The following LDHAL6A variants were observed in gnomAD, a reference collection of about 807,000 sequenced individuals.
The protein encoded by LDHAL6A is L-lactate dehydrogenase A-like 6A.
In LDHAL6A, 19 loss-of-function variants were observed where a neutral mutation model predicts 28.2. The ratio of observed to expected loss-of-function variants is 0.67; its 90% CI spans 0.47 to 0.99. The LOEUF (loss-of-function observed/expected upper bound fraction) is 0.99, where lower values mean the gene tolerates loss of function less well. Among genes scored for constraint, LDHAL6A ranks in the 50% least tolerant of loss-of-function variants. The probability of loss-of-function intolerance (pLI) is 0.00; values close to 1 mark genes in which losing one functional copy is unlikely to be tolerated. For synonymous variants in LDHAL6A, 144 were observed against 134.4 expected (o/e 1.07, Z -0.49); for missense variants, 372 against 398.6 (o/e 0.93, Z 0.57).
At position 18,476,371 on chromosome 11, in the gene LDHAL6A, GTCTCTT is replaced by G. The variant is rs1165098231; in HGVS notation, c.593-9_593-4del. On this transcript the variant is annotated splice_polypyrimidine_tract_variant and splice_region_variant and intron_variant, in intron 4 of 6. Transcript: ENST00000280706. Reference sequence around the variant, plus strand: ...CCATGTAAGAAGTGGGATTTTGGGTGTCTCTTTCTTAGTTCCTGTGTGGAGTGGTGT... The same window carrying G: ...CCATGTAAGAAGTGGGATTTTGGGTGTCTTAGTTCCTGTGTGGAGTGGTGT... The G allele has an allele frequency of 1.2e-6, 2 of 1,607,874 alleles. No homozygotes were observed. The highest frequency in any genetic ancestry group is 1.7e-5 in the Admixed American group (1 of 58,456).
chr11:18,471,906 T>TAG (rs1404660159), intron 3 of LDHAL6A, among the ~76,000 whole-genome samples: 2 of 150,964 alleles, frequency 1.3e-5, no homozygotes, highest in Non-Finnish European at 1.5e-5. Context: ...ACTATTTACA[T>TAG]GAACTAAATG....
intron 1 of LDHAL6A, among the ~76,000 whole-genome samples, chr11:18,462,693 C>T (rs1383629959): frequency 2.0e-5 from 3 of 147,692 alleles, no homozygotes; most frequent in Admixed American, 6.7e-5. Context: ...ATTAGCTGGG[C>T]ATGGTGGTGC....
chr11:18,463,938 A>G, intron 1 of LDHAL6A, 23 bp from the exon 2 acceptor site: 3 of 1,479,418 alleles, frequency 2.0e-6, no homozygotes, highest in Non-Finnish European at 2.8e-6. Flanking sequence ...ACTCACACCC[A>G]TTGGACTAAC....
Position 18,475,534 on chromosome 11 carries a change from T to C in LDHAL6A, c.487T>C (p.Cys163Arg), listed in dbSNP as rs1434677918. The C allele has an allele frequency of 8.7e-6, 14 of 1,614,018 alleles. No homozygotes were observed. Among genetic ancestry groups the C allele is most frequent in the African/African-American group, 4.0e-5 (3 of 74,940 alleles). Residue 163 changes from cysteine (C) to arginine (R), a missense_variant, in exon 4 of 7, where the codon TGT (cysteine) becomes CGT (arginine). By Grantham distance (180) the Cys-to-Arg change is radical. Around this residue, in one of 3 missense-constraint regions of LDHAL6A, gnomAD observed 291 missense variants for 302.9 expected, o/e 0.96. Transcript: ENST00000280706. ...CAAAAACCGTGTTATTGGAAGTGGT[T>C]GTAATCTGGACTCTGCTCGTTTTCG... The part of the protein sequence containing the change: ...FPKNRVIGSG[C>R]NLDSARFRYF...
In LDHAL6A at chr11:18,468,005, ATATATATACATATATATACG is replaced by A. The variant is rs1565071594; in HGVS notation, c.418+2204_418+2223del. Among the ~76,000 whole-genome samples, 196 of 69,470 alleles carry A rather than the reference ATATATATACATATATATACG, an allele frequency of 2.8e-3. 1 individual carries two copies. Among genetic ancestry groups the A allele is most frequent in the South Asian group, 3.8e-3 (6 of 1,560 alleles). The allele number at this position is 69,470 out of a possible 152,430, so 45.6% of individuals were successfully genotyped here. On this transcript the variant is annotated intron_variant, in intron 3 of 6. Coordinates refer to ENST00000280706, the MANE Select transcript of LDHAL6A (RefSeq NM_144972.5). ...CGTATATATATGCATATATATACGTATATATATACATATATATACGTATATATATATACATATATATACGT... is the reference window on the plus strand; with the variant it reads ...CGTATATATATGCATATATATACGTATATATATATATACATATATATACGT...
chr11:18,475,441 C>T (rs1421150790), intron 3 of LDHAL6A, 25 bp from the exon 4 acceptor site: 4 of 1,574,192 alleles, frequency 2.5e-6, no homozygotes, highest in Admixed American at 3.5e-5. Context: ...GAGGACATTT[C>T]TTGATATGAA....
chr11:18,468,002 C>T (rs1349860500), intron 3 of LDHAL6A, among the ~76,000 whole-genome samples: 4 of 37,704 alleles, frequency 1.1e-4, no homozygotes, highest in African/African-American at 5.8e-4. Context: ...CATATATATA[C>T]GTATATATAT....
chr11:18,467,880 C>CACATATAT (rs1185900320), intron 3 of LDHAL6A, among the ~76,000 whole-genome samples: 34 of 44,388 alleles, frequency 7.7e-4, no homozygotes, highest in Middle Eastern at 0.014. Context: ...TATATACACA[C>CACATATAT]ATATATATAT....
intron 3 of LDHAL6A, chr11:18,469,295 C>A: frequency 2.0e-6 from 1 of 508,844 alleles, no homozygotes. Context: ...ACTAAAACGC[C>A]TCTACCCTCA....
chr11:18,464,987 G>GTTTTTTT (rs1449560278), intron 2 of LDHAL6A, among the ~76,000 whole-genome samples: 40 of 104,372 alleles, frequency 3.8e-4, no homozygotes, highest in East Asian at 1.5e-3. Flanking sequence ...GTTTTTTTTT[G>GTTTTTTT]TTTTGTTTTG....
chr11:18,463,127 A>C (rs1467559673), intron 1 of LDHAL6A, among the ~76,000 whole-genome samples: 1 of 152,106 alleles, frequency 6.6e-6, no homozygotes, highest in Non-Finnish European at 1.5e-5. Context: ...CTGTGGTTTG[A>C]ATGTTTGTCC....
intron 3 of LDHAL6A, among the ~76,000 whole-genome samples, chr11:18,466,673 T>TAAA (rs1849083461): frequency 1.7e-5 from 2 of 118,438 alleles, no homozygotes; most frequent in South Asian, 6.0e-4. Flanking sequence ...AAAAAAAAAG[T>TAAA]AGTGTGTATG....
Position 18,465,670 on chromosome 11 carries a change from T to C in LDHAL6A, c.278T>C (p.Ile93Thr). ...YLVTANSNLV[I>T]ITAGARQKKG... is the part of the protein sequence containing the mutation. ...GTCACTGCAAACTCCAATCTAGTGATTATCACAGCAGGTGCACGCCAGAAA... is the reference window on the plus strand; with the variant it reads ...GTCACTGCAAACTCCAATCTAGTGACTATCACAGCAGGTGCACGCCAGAAA... Residue 93 changes from isoleucine (I) to threonine (T), a missense_variant, in exon 3 of 7, where the codon ATT becomes ACT. By Grantham distance (89) the Ile-to-Thr change is moderately conservative. Around this residue, in one of 3 missense-constraint regions of LDHAL6A, gnomAD observed 291 missense variants for 302.9 expected, o/e 0.96. Transcript: ENST00000280706. 1 of 1,614,056 alleles carries C rather than the reference T, an allele frequency of 6.2e-7. No homozygotes were observed. The highest frequency in any genetic ancestry group is 8.5e-7 in the Non-Finnish European group (1 of 1,179,968).
rs199831219 is a variant in LDHAL6A, at chr11:18,473,737, T to C, written c.419-1729T>C. 9.2e-5 allele frequency among the ~76,000 whole-genome samples: 14 copies of C among 152,290 alleles called. No individual in the cohort carries two copies. In the East Asian group the frequency reaches 1.2e-3, roughly 13 times the overall value. On this transcript the variant is annotated intron_variant, in intron 3 of 6. Coordinates refer to ENST00000280706, the MANE Select transcript of LDHAL6A (RefSeq NM_144972.5). ...GGTAGTTTTTTTCTCCCTTGTCCTA[T>C]TGCATAACCTAGAAGACTCTCCAGT...
At chr11:18,464,365 T>C in intron 2 of LDHAL6A, among the ~76,000 whole-genome samples, 1 of 152,138 alleles carries the variant, frequency 6.6e-6, no homozygotes, top group South Asian at 2.1e-4. Flanking sequence ...TTTATATAAT[T>C]TAATCCTGAG....
chr11:18,463,970 G>A lies in LDHAL6A; in HGVS notation c.136G>A (p.Asp46Asn), dbSNP rs746189568. Reference protein sequence around the residue: ...AISILLKGLSDELVLVDVDEG... With the variant: ...AISILLKGLSNELVLVDVDEG... Reference sequence around the variant, plus strand: ...TAACAATGTTTTTCAGGGTTTGAGTGATGAACTTGTCCTTGTGGATGTTGA... The same window carrying A: ...TAACAATGTTTTTCAGGGTTTGAGTAATGAACTTGTCCTTGTGGATGTTGA... The change falls in exon 2 of 7, where the codon GAT becomes AAT. Residue 46 changes from aspartate to asparagine, a missense_variant. Asp to Asn is a conservative substitution (Grantham distance 23). Around this residue, in one of 3 missense-constraint regions of LDHAL6A, gnomAD observed 77 missense variants for 77.9 expected, o/e 0.99. Transcript: ENST00000280706. 7 of 1,611,300 alleles carry A rather than the reference G, an allele frequency of 4.3e-6. No individual in the cohort carries two copies. In the Admixed American group the frequency reaches 1.0e-4, roughly 23 times the overall value.
At chr11:18,469,649 G>A (rs1275788430) in intron 3 of LDHAL6A, among the ~76,000 whole-genome samples, 1 of 152,124 alleles carries the variant, frequency 6.6e-6, no homozygotes, top group Non-Finnish European at 1.5e-5. Flanking sequence ...TGCAGTTATA[G>A]TACACACTAT....
At chr11:18,470,085 T>C (rs1590256570) in intron 3 of LDHAL6A, among the ~76,000 whole-genome samples, 1 of 152,132 alleles carries the variant, frequency 6.6e-6, no homozygotes, top group East Asian at 1.9e-4. Context: ...TGTGCCACCA[T>C]GCCCAGCTAA....
chr11:18,464,977 G>GTTTTTTTGTTT (rs1565068683), intron 2 of LDHAL6A, among the ~76,000 whole-genome samples: 5 of 125,566 alleles, frequency 4.0e-5, no homozygotes, highest in Admixed American at 3.3e-4. Flanking sequence ...TGTTTTTTTT[G>GTTTTTTTGTTT]TTTTTTTTTG....
Sources: allele counts gnomAD v4.1 joint callset (sites outside exome capture counted in the v4.1 genomes callset), GRCh38; gene constraint gnomAD v4.1.1; regional missense constraint gnomAD v4.1.1; transcripts MANE v1.5; gene names NCBI Gene and HGNC (gene_info 2026-07-23, HGNC 2026-07-21).